The following SORCS3 variants were observed in gnomAD, a reference collection of about 807,000 sequenced individuals.
SORCS3 encodes the protein sortilin related VPS10 domain containing receptor 3.
In SORCS3, 57 loss-of-function variants were observed where a neutral mutation model predicts 146.3. That is an observed-to-expected ratio of 0.39 (90% CI 0.31 to 0.49). The LOEUF is 0.49. SORCS3 is among the 20% of genes least tolerant of loss of function. The pLI is 0.92. For synonymous variants in SORCS3, 653 were observed against 618.5 expected (o/e 1.06, Z -0.83); for missense variants, 1,341 against 1,575.5 (o/e 0.85, Z 2.52).
intron 3 of SORCS3, among the ~76,000 whole-genome samples, chr10:104,968,703 C>T (rs941904773): frequency 6.6e-6 from 1 of 152,122 alleles, no homozygotes; most frequent in African/African-American, 2.4e-5. Flanking sequence ...ATCTAAACAG[C>T]CATTGCCACA....
At chr10:105,091,431 C>T (rs2055705970) in intron 6 of SORCS3, among the ~76,000 whole-genome samples, 1 of 82,360 alleles carries the variant, frequency 1.2e-5, no homozygotes, top group Non-Finnish European at 2.5e-5. Flanking sequence ...TCCCTCCTTC[C>T]TTCCTTCCTT....
chr10:105,096,434 G>C (rs942619957), intron 6 of SORCS3, among the ~76,000 whole-genome samples: 2 of 152,094 alleles, frequency 1.3e-5, no homozygotes, highest in Non-Finnish European at 2.9e-5. Flanking sequence ...CTGAGCTGCC[G>C]GGTATATACA....
chr10:105,062,923 A>G (rs774550117), intron 5 of SORCS3, among the ~76,000 whole-genome samples: 16 of 152,182 alleles, frequency 1.1e-4, no homozygotes, highest in Non-Finnish European at 1.6e-4. Flanking sequence ...TACTCTGGTT[A>G]TATAAGGAGG....
rs181084573 is a variant in SORCS3 at position 105,196,918 on chromosome 10, C to T, written c.2010-3081C>T. Reference sequence around the variant, plus strand: ...GTCCACAATCAAAAGGTCAGCAGGCCTCTACTCCCCTGGGGCTCTAGGGGA... The same window carrying T: ...GTCCACAATCAAAAGGTCAGCAGGCTTCTACTCCCCTGGGGCTCTAGGGGA... On this transcript the variant is annotated intron_variant, in intron 14 of 26. Coordinates refer to ENST00000369701, the MANE Select transcript of SORCS3 (RefSeq NM_014978.3). Among the ~76,000 whole-genome samples the T allele has an allele frequency of 2.6e-3, 399 of 152,240 alleles. 1 individual carries two copies. The highest frequency in any genetic ancestry group is 6.8e-3 in the Middle Eastern group (2 of 294).
chr10:105,070,153 A>G (rs769084794), intron 5 of SORCS3, among the ~76,000 whole-genome samples: 7 of 152,210 alleles, frequency 4.6e-5, no homozygotes, highest in Non-Finnish European at 7.3e-5. Context: ...TTGATTCCCG[A>G]GTTCTGCTCC....
intron 14 of SORCS3, among the ~76,000 whole-genome samples, chr10:105,185,904 C>A (rs2056472584): frequency 6.6e-6 from 1 of 152,090 alleles, no homozygotes; most frequent in African/African-American, 2.4e-5. Context: ...AAATAATATT[C>A]TTCTACATGA....
intron 3 of SORCS3, among the ~76,000 whole-genome samples, chr10:104,933,262 C>G (rs1033042517): frequency 2.6e-5 from 4 of 151,720 alleles, no homozygotes; most frequent in African/African-American, 9.7e-5. Flanking sequence ...TCCTTTCTAT[C>G]TTGCTGCTCT....
intron 1 of SORCS3, among the ~76,000 whole-genome samples, chr10:104,822,891 G>T (rs375136501): frequency 3.3e-4 from 51 of 152,264 alleles, no homozygotes; most frequent in African/African-American, 1.0e-3. Flanking sequence ...TATAAATGAG[G>T]TGGCTCTTTA....
intron 5 of SORCS3, among the ~76,000 whole-genome samples, chr10:105,058,672 G>A (rs114142062): frequency 0.013 from 1,944 of 152,200 alleles, 24 homozygotes; most frequent in African/African-American, 0.034. Context: ...TTCTACTCCT[G>A]CCACTGGGCA....
intron 1 of SORCS3, among the ~76,000 whole-genome samples, chr10:104,696,895 C>T (rs2016222943): frequency 6.7e-6 from 1 of 149,490 alleles, no homozygotes; most frequent in South Asian, 2.1e-4. Flanking sequence ...AAGACAAATA[C>T]TGCATAATCT....
rs1042969469 is a variant in SORCS3 at position 105,248,622 on chromosome 10, G to A, written c.3105+1291G>A. Among the ~76,000 whole-genome samples, 3 of 150,744 alleles carry A rather than the reference G, an allele frequency of 2.0e-5. No individual in the cohort carries two copies. The Admixed American group carries it at 2.0e-4, about 10-fold the overall frequency. On this transcript the variant is annotated intron_variant, in intron 22 of 26. Transcript: ENST00000369701. ...CCAGCTACTCGGGAGGCTGAGGCAGGAGAGTCACCTGAACCCAAAAGGCGG... is the reference window on the plus strand; with the variant it reads ...CCAGCTACTCGGGAGGCTGAGGCAGAAGAGTCACCTGAACCCAAAAGGCGG...
At chr10:104,742,940 G>T (rs1216549609) in intron 1 of SORCS3, among the ~76,000 whole-genome samples, 1 of 152,094 alleles carries the variant, frequency 6.6e-6, no homozygotes, top group African/African-American at 2.4e-5. Flanking sequence ...TCACATTCTA[G>T]GAATGCCCTG....
intron 1 of SORCS3, among the ~76,000 whole-genome samples, chr10:104,684,211 C>G (rs918697986): frequency 6.6e-6 from 1 of 152,090 alleles, no homozygotes; most frequent in Non-Finnish European, 1.5e-5. Context: ...CAGCTGTAAC[C>G]CAGGAAGCAT....
intron 3 of SORCS3, among the ~76,000 whole-genome samples, chr10:104,961,763 C>T (rs535201120): frequency 6.6e-6 from 1 of 152,242 alleles, no homozygotes; most frequent in Non-Finnish European, 1.5e-5. Context: ...GCTAGCTTCT[C>T]TGTCTAGTAG....
intron 4 of SORCS3, among the ~76,000 whole-genome samples, chr10:105,033,278 C>A (rs1224155958): frequency 6.6e-6 from 1 of 152,148 alleles, no homozygotes; most frequent in Admixed American, 6.5e-5. Flanking sequence ...CTTTCAACAG[C>A]AAGAAGGTAA....
intron 5 of SORCS3, among the ~76,000 whole-genome samples, chr10:105,081,212 A>G (rs567023684): frequency 6.6e-6 from 1 of 152,256 alleles, no homozygotes; most frequent in Admixed American, 6.5e-5. Flanking sequence ...TTTACCCTTA[A>G]TATTTCCCTC....
At chr10:104,929,726 G>A (rs953077958) in intron 3 of SORCS3, among the ~76,000 whole-genome samples, 24 of 152,216 alleles carry the variant, frequency 1.6e-4, no homozygotes, top group Non-Finnish European at 1.3e-4. Context: ...CCAGGCTGCA[G>A]GCCTGCCAGC....
chr10:105,213,955 A>G (rs922256658), intron 17 of SORCS3, among the ~76,000 whole-genome samples: 18 of 152,164 alleles, frequency 1.2e-4, no homozygotes, highest in Non-Finnish European at 2.1e-4. Flanking sequence ...AGGAATAGGG[A>G]AGATAGGAAT....
chr10:104,689,736 A>G (rs1367092453), intron 1 of SORCS3, among the ~76,000 whole-genome samples: 1 of 152,040 alleles, frequency 6.6e-6, no homozygotes, highest in African/African-American at 2.4e-5. Flanking sequence ...CAGCTGCTTC[A>G]CCATCATATA....
Sources: gnomAD v4.1 joint callset for allele counts (sites outside exome capture counted in the v4.1 genomes callset) on GRCh38, gnomAD v4.1.1 for gene constraint, MANE v1.5 for transcripts, NCBI Gene and HGNC (gene_info 2026-07-23, HGNC 2026-07-21) for gene names.